FHIT: variants seen among roughly 807,000 people sequenced by gnomAD.
The protein encoded by FHIT is fragile histidine triad diadenosine triphosphatase, also known as bis(5'-adenosyl)-triphosphatase.
Under a neutral mutation model 17.9 loss-of-function variants are expected in FHIT, and 19 were observed. The ratio of observed to expected loss-of-function variants is 1.06; its 90% CI spans 0.74 to 1.56. The LOEUF is 1.56. Ranked by LOEUF, FHIT falls within the 40% of genes most tolerant of loss-of-function variation. FHIT has a pLI of 0.00. For missense variants in FHIT, 248 were observed against 189.2 expected (o/e 1.31, Z -1.82); for synonymous variants, 81 against 69.7 (o/e 1.16, Z -0.81).
At chr3:60,024,559 C>A (rs575492563) in intron 5 of FHIT, among the ~76,000 whole-genome samples, 2 of 152,300 alleles carry the variant, frequency 1.3e-5, no homozygotes, top group South Asian at 2.1e-4. Context: ...ATATAAGACA[C>A]TGAGGATACA....
intron 4 of FHIT, among the ~76,000 whole-genome samples, chr3:60,622,985 A>G (rs1357999783): frequency 6.6e-6 from 1 of 152,182 alleles, no homozygotes; most frequent in Admixed American, 6.5e-5. Flanking sequence ...TGCTGTTGAC[A>G]GTCGTACACC....
intron 2 of FHIT, among the ~76,000 whole-genome samples, chr3:61,051,029 AGTTGTCC>A (rs1182231286): frequency 1.3e-5 from 2 of 152,236 alleles, no homozygotes; most frequent in African/African-American, 4.8e-5. Context: ...GACAAACAAC[AGTTGTCC>A]CAACTGCTAC....
chr3:61,048,333 T>G (rs2033892326), intron 2 of FHIT, among the ~76,000 whole-genome samples: 3 of 152,082 alleles, frequency 2.0e-5, no homozygotes, highest in Admixed American at 6.5e-5. Context: ...GAACAGACAG[T>G]TCTCAAAAGA....
intron 4 of FHIT, among the ~76,000 whole-genome samples, chr3:60,776,935 TACTG>T (rs1700232986): frequency 1.3e-5 from 2 of 152,194 alleles, no homozygotes; most frequent in African/African-American, 4.8e-5. Flanking sequence ...TGTGTGAACA[TACTG>T]ACTACATTCA....
chr3:60,393,478 A>G (rs1163124107), intron 5 of FHIT, among the ~76,000 whole-genome samples: 1 of 151,098 alleles, frequency 6.6e-6, no homozygotes, highest in Admixed American at 6.6e-5. Flanking sequence ...TAATTTTTAC[A>G]TATATACACT....
intron 5 of FHIT, among the ~76,000 whole-genome samples, chr3:60,062,157 C>T (rs920028312): frequency 6.6e-6 from 1 of 152,078 alleles, no homozygotes; most frequent in East Asian, 1.9e-4. Context: ...CAATAAAATA[C>T]CAATCAATAA....
At chr3:60,354,448 TATAAG>T (rs1478621172) in intron 5 of FHIT, among the ~76,000 whole-genome samples, 1 of 152,104 alleles carries the variant, frequency 6.6e-6, no homozygotes, top group African/African-American at 2.4e-5. Flanking sequence ...TAGGTTCTGA[TATAAG>T]ATGATTCTCG....
At chr3:59,957,261 G>A (rs1202706634) in intron 7 of FHIT, among the ~76,000 whole-genome samples, 1 of 152,204 alleles carries the variant, frequency 6.6e-6, no homozygotes, top group Admixed American at 6.5e-5. Flanking sequence ...TAAGAAGAGA[G>A]GGAATTTGGA....
At chr3:60,471,071 G>A (rs1377836575) in intron 5 of FHIT, among the ~76,000 whole-genome samples, 1 of 152,170 alleles carries the variant, frequency 6.6e-6, no homozygotes, top group Non-Finnish European at 1.5e-5. Flanking sequence ...ATGCTACTAT[G>A]GCTGAACTAG....
chr3:61,103,436 T>C (rs2106860291), intron 2 of FHIT, among the ~76,000 whole-genome samples: 1 of 152,262 alleles, frequency 6.6e-6, no homozygotes, highest in African/African-American at 2.4e-5. Context: ...CTGTGATTCC[T>C]TTTCTTTTAC....
chr3:59,964,406 C>G (rs1707827193), intron 7 of FHIT, among the ~76,000 whole-genome samples: 1 of 152,220 alleles, frequency 6.6e-6, no homozygotes, highest in Non-Finnish European at 1.5e-5. Flanking sequence ...TCCATACTAC[C>G]TATTAGTTAA....
chr3:60,022,991 G>A (rs1700606771), intron 5 of FHIT, among the ~76,000 whole-genome samples: 2 of 152,110 alleles, frequency 1.3e-5, no homozygotes, highest in Non-Finnish European at 1.5e-5. Context: ...TACTGAAAAG[G>A]AAAATTAACT....
intron 3 of FHIT, among the ~76,000 whole-genome samples, chr3:60,891,091 G>C (rs576353971): frequency 6.6e-6 from 1 of 152,186 alleles, no homozygotes; most frequent in Non-Finnish European, 1.5e-5. Context: ...GCAGTCAGTA[G>C]AGAATGTCTT....
At chr3:60,860,782 A>T (rs782040252) in intron 3 of FHIT, among the ~76,000 whole-genome samples, 7,317 of 9,538 alleles carry the variant, frequency 0.77, 3,467 homozygotes, top group Middle Eastern at 1. Flanking sequence ...ATCATATATC[A>T]GGTATATATG....
chr3:60,429,811 A>G (rs1433487957), intron 5 of FHIT, among the ~76,000 whole-genome samples: 1 of 152,102 alleles, frequency 6.6e-6, no homozygotes, highest in African/African-American at 2.4e-5. Context: ...TACTCACTGT[A>G]TAGGTGTGGA....
intron 5 of FHIT, among the ~76,000 whole-genome samples, chr3:60,109,229 T>C (rs1704564427): frequency 6.6e-6 from 1 of 152,172 alleles, no homozygotes; most frequent in African/African-American, 2.4e-5. Context: ...AAAATGGGCC[T>C]GATTTTCTAA....
At chr3:60,186,945 T>C (rs1702184225) in intron 5 of FHIT, among the ~76,000 whole-genome samples, 1 of 152,140 alleles carries the variant, frequency 6.6e-6, no homozygotes. Flanking sequence ...GATGTGTATT[T>C]CTTATTAAAG....
At chr3:60,070,582 A>T in intron 5 of FHIT, among the ~76,000 whole-genome samples, 1 of 151,398 alleles carries the variant, frequency 6.6e-6, no homozygotes, top group Non-Finnish European at 1.5e-5. Context: ...AGACAAACAA[A>T]GATTTGGGAG....
chr3:60,717,190 T>C (rs1471797682), intron 4 of FHIT, among the ~76,000 whole-genome samples: 3 of 152,050 alleles, frequency 2.0e-5, no homozygotes, highest in African/African-American at 7.2e-5. Context: ...GGTACAAAGT[T>C]TGAGTTAAGC....
Sources: gnomAD v4.1 joint callset for allele counts (sites outside exome capture counted in the v4.1 genomes callset) on GRCh38, gnomAD v4.1.1 for gene constraint, MANE v1.5 for transcripts, NCBI Gene and HGNC (gene_info 2026-07-23, HGNC 2026-07-21) for gene names.